The following RAPGEF6 variants were observed in gnomAD, a reference collection of about 807,000 sequenced individuals.
RAPGEF6 encodes the protein PDZ domain containing guanine nucleotide exchange factor (GEF) 2.
A neutral mutation model predicts 171.4 loss-of-function variants in RAPGEF6; 56 were observed. The observed-to-expected ratio is 0.33, with a 90% confidence interval of 0.26 to 0.41. The LOEUF (loss-of-function observed/expected upper bound fraction) is 0.41. Among genes scored for constraint, RAPGEF6 ranks in the 10% least tolerant of loss-of-function variants. The probability of loss-of-function intolerance (pLI) is 1.00; values close to 1 mark genes in which losing one functional copy is unlikely to be tolerated. For synonymous variants in RAPGEF6, 692 were observed against 650.1 expected, an observed-to-expected ratio of 1.06 and a Z score of -0.98; for missense variants, 1,674 against 1,921.4, an observed-to-expected ratio of 0.87 and a Z score of 2.41.
chr5:131,609,543 T>G (rs1764817812), intron 1 of RAPGEF6, among the ~76,000 whole-genome samples: 1 of 152,056 alleles, frequency 6.6e-6, no homozygotes, highest in Admixed American at 6.5e-5. Flanking sequence ...AATAGATGAT[T>G]AGACTGACCA....
intron 6 of RAPGEF6, among the ~76,000 whole-genome samples, chr5:131,527,372 C>T (rs969983137): frequency 8.5e-5 from 13 of 152,124 alleles, no homozygotes; most frequent in African/African-American, 3.1e-4. Flanking sequence ...AAAACAAATA[C>T]CTTTTCCCCA....
At chr5:131,572,540 C>T (rs1327882593) in intron 4 of RAPGEF6, among the ~76,000 whole-genome samples, 1 of 152,164 alleles carries the variant, frequency 6.6e-6, no homozygotes, top group Non-Finnish European at 1.5e-5. Flanking sequence ...ATCATTCACC[C>T]ACATTCCCTT....
chr5:131,620,316 T>G (rs1765523834), intron 1 of RAPGEF6, among the ~76,000 whole-genome samples: 1 of 152,230 alleles, frequency 6.6e-6, no homozygotes, highest in Admixed American at 6.5e-5. Flanking sequence ...TTTGTATTTC[T>G]AGCCCAAAGC....
At chr5:131,567,911 C>T (rs1056188475) in intron 4 of RAPGEF6, among the ~76,000 whole-genome samples, 10 of 152,112 alleles carry the variant, frequency 6.6e-5, no homozygotes, top group African/African-American at 2.2e-4. Context: ...CTATGTATTC[C>T]TAATGTATTA....
intron 7 of RAPGEF6, among the ~76,000 whole-genome samples, chr5:131,513,942 T>C (rs549395063): frequency 6.6e-6 from 1 of 152,170 alleles, no homozygotes; most frequent in African/African-American, 2.4e-5. Context: ...GTGGGAGGAT[T>C]GCTTAAGCCT....
At chr5:131,594,016 C>T (rs1763741217) in intron 3 of RAPGEF6, among the ~76,000 whole-genome samples, 1 of 152,158 alleles carries the variant, frequency 6.6e-6, no homozygotes, top group Admixed American at 6.5e-5. Context: ...TGTTAATAGC[C>T]AACACAATGG....
At chr5:131,623,145 GT>G (rs1765690894) in intron 1 of RAPGEF6, among the ~76,000 whole-genome samples, 2 of 152,162 alleles carry the variant, frequency 1.3e-5, no homozygotes, top group South Asian at 4.1e-4. Context: ...TTGCCCAGAC[GT>G]TTTGAATCAT....
intron 8 of RAPGEF6, among the ~76,000 whole-genome samples, chr5:131,509,948 G>T (rs1288534421): frequency 6.6e-6 from 1 of 152,154 alleles, no homozygotes; most frequent in Non-Finnish European, 1.5e-5. Context: ...TACTTAGGGG[G>T]AAGCCTAAGT....
intron 6 of RAPGEF6, among the ~76,000 whole-genome samples, chr5:131,538,890 A>G (rs1223891719): frequency 6.6e-6 from 1 of 152,248 alleles, no homozygotes. Flanking sequence ...CTAACTAGGT[A>G]CAAAAACCTA....
At chr5:131,616,057 A>G (rs3756290) in intron 1 of RAPGEF6, among the ~76,000 whole-genome samples, 86,740 of 151,934 alleles carry the variant, frequency 0.57, 29,139 homozygotes, top group Non-Finnish European at 0.76. Flanking sequence ...AAAAACAAGT[A>G]CCAGCTCAGG....
intron 1 of RAPGEF6, among the ~76,000 whole-genome samples, chr5:131,612,045 T>A (rs1447501456): frequency 6.6e-6 from 1 of 152,084 alleles, no homozygotes; most frequent in East Asian, 1.9e-4. Context: ...TGTCTTGTTT[T>A]GCTTTTAGAG....
At chr5:131,519,166 T>C (rs1417409830) in intron 7 of RAPGEF6, among the ~76,000 whole-genome samples, 1 of 152,222 alleles carries the variant, frequency 6.6e-6, no homozygotes, top group East Asian at 1.9e-4. Context: ...TCCAGTCTCA[T>C]CCTCAGGTTG....
Position 131,511,688 on chromosome 5 carries a change from G to A in RAPGEF6, c.628-1197C>T, listed in dbSNP as rs980393398. On this transcript the variant is annotated intron_variant, in intron 7 of 27. Coordinates refer to ENST00000509018, the MANE Select transcript of RAPGEF6 (RefSeq NM_016340.6). ...ATTTTTTAAATATTTGTAGAGACTC[G>A]GGGGAGGTTGCTATGCTGCCCAGGC... Among the ~76,000 whole-genome samples, 13 of 151,942 alleles carry A rather than the reference G, an allele frequency of 8.6e-5. 1 individual carries two copies. The South Asian group carries it at 2.3e-3, about 27-fold the overall frequency.
chr5:131,576,418 T>G (rs544975609), intron 4 of RAPGEF6, among the ~76,000 whole-genome samples: 1 of 152,328 alleles, frequency 6.6e-6, no homozygotes, highest in South Asian at 2.1e-4. Flanking sequence ...CCAAGTATGC[T>G]TTCCACATCC....
In RAPGEF6 at chr5:131,472,840, T is replaced by A. The variant is rs554703875; in HGVS notation, c.2082-96A>T. The A allele has an allele frequency of 6.0e-5, 63 of 1,056,520 alleles. 1 individual carries two copies. The South Asian group carries it at 7.8e-4, about 13-fold the overall frequency. The allele number at this position is 1,056,520 out of a possible 1,614,324, so 65.4% of individuals were successfully genotyped here. Reference sequence around the variant, plus strand: ...GTGCACTAAGGCATAAAAGAACCAATTCAAAGAGGTGATTTAAACAACTGA... The same window carrying A: ...GTGCACTAAGGCATAAAAGAACCAAATCAAAGAGGTGATTTAAACAACTGA... On this transcript the variant is annotated intron_variant, in intron 16 of 27. Coordinates refer to ENST00000509018, the MANE Select transcript of RAPGEF6 (RefSeq NM_016340.6).
rs773077407 is a variant in RAPGEF6 at position 131,455,925 on chromosome 5, T to C, written c.2952A>G (p.Gln984=). The change falls in exon 20 of 28, where the codon CAA becomes CAG. Residue 984 remains glutamine (Q), a synonymous_variant. Transcript: ENST00000509018. ...SKYEKHLQDL[Q]DIFDPSRNMA... ...TGTTTCTAGATGGATCAAAAATGTC[T>C]TGTAGATCTTGAAGATGTTTCTCGT... The C allele has an allele frequency of 1.2e-6, 2 of 1,614,014 alleles. No homozygotes were observed. Among genetic ancestry groups the C allele is most frequent in the East Asian group, 2.2e-5 (1 of 44,852 alleles).
At position 131,513,615 on chromosome 5, in the gene RAPGEF6, G is replaced by C. The variant is rs116793283; in HGVS notation, c.628-3124C>G. 7.3e-3 allele frequency among the ~76,000 whole-genome samples: 1,116 copies of C among 152,334 alleles called. 8 individuals are homozygous for C. The highest frequency in any genetic ancestry group is 0.025 in the African/African-American group (1,034 of 41,562). On this transcript the variant is annotated intron_variant, in intron 7 of 27. Coordinates refer to ENST00000509018, the MANE Select transcript of RAPGEF6 (RefSeq NM_016340.6). ...AGGAGATAGCTCTTTAGGAAGAATG[G>C]AAGTCATGGGTTGGGACTGAGAGAA...
chr5:131,559,593 T>A (rs1421630185), intron 5 of RAPGEF6, among the ~76,000 whole-genome samples: 1 of 151,822 alleles, frequency 6.6e-6, no homozygotes, highest in Non-Finnish European at 1.5e-5. Context: ...GAGGTTGAGG[T>A]GGGAGGATTG....
chr5:131,435,827 A>G, intron 24 of RAPGEF6: 1 of 1,408,130 alleles, frequency 7.1e-7, no homozygotes, highest in Non-Finnish European at 9.3e-7. Flanking sequence ...AGGCATTTTC[A>G]AGTGTTTATA....
Sources: allele counts gnomAD v4.1 joint callset (sites outside exome capture counted in the v4.1 genomes callset), GRCh38; gene constraint gnomAD v4.1.1; transcripts MANE v1.5; gene names NCBI Gene and HGNC (gene_info 2026-07-23, HGNC 2026-07-21).